The following TMTC4 variants were observed in gnomAD, a reference collection of about 807,000 sequenced individuals.
TMTC4 encodes the protein protein O-mannosyl-transferase TMTC4.
TMTC4 carries 65 observed loss-of-function variants against 86.0 expected under a neutral mutation model. The observed-to-expected ratio is 0.76, with a 90% CI of 0.62 to 0.93. TMTC4 has a LOEUF of 0.93. Ranked by LOEUF, TMTC4 falls within the 40% of genes least tolerant of loss-of-function variation. The pLI is 0.00. For synonymous variants in TMTC4, 379 were observed against 382.5 expected (o/e 0.99, Z 0.11); for missense variants, 866 against 948.1 (o/e 0.91, Z 1.14).
chr13:100,637,466 A>C (rs914681335), intron 9 of TMTC4, 72 bp downstream of exon 9: 1 of 1,536,056 alleles, frequency 6.5e-7, no homozygotes, highest in African/African-American at 1.4e-5. Flanking sequence ...TGAGACGAGG[A>C]GGAGGGGTGA....
chr13:100,611,502 G>A (rs981901746), intron 17 of TMTC4, among the ~76,000 whole-genome samples: 6 of 152,110 alleles, frequency 3.9e-5, no homozygotes, highest in Non-Finnish European at 7.4e-5. Context: ...GGAGAATGGC[G>A]TGAACCCGGG....
intron 6 of TMTC4, among the ~76,000 whole-genome samples, chr13:100,654,626 GA>G (rs1302328481): frequency 6.6e-6 from 1 of 151,890 alleles, no homozygotes. Flanking sequence ...AATTAAAACA[GA>G]AAAAAGAAGA....
At chr13:100,667,643 T>A (rs532128703) in intron 3 of TMTC4, among the ~76,000 whole-genome samples, 31 of 152,134 alleles carry the variant, frequency 2.0e-4, no homozygotes, top group Non-Finnish European at 4.4e-4. Context: ...ATCCATAACT[T>A]CACATTTTTA....
intron 7 of TMTC4, 147 bp downstream of exon 7, chr13:100,642,064 A>C: frequency 1.4e-6 from 1 of 697,832 alleles, no homozygotes; most frequent in East Asian, 2.6e-5. Context: ...AGCGAAAGCC[A>C]TTTGTCCAGA....
intron 12 of TMTC4, among the ~76,000 whole-genome samples, chr13:100,633,103 G>C (rs2138853922): frequency 6.6e-6 from 1 of 152,142 alleles, no homozygotes; most frequent in South Asian, 2.1e-4. Flanking sequence ...CACGAGGTCA[G>C]GAGTTCGAGA....
At chr13:100,674,918 C>A (rs1471515798), upstream of TMTC4, 1 of 984,912 alleles carries the variant, frequency 1.0e-6, no homozygotes, top group African/African-American at 1.8e-5. Context: ...GCACCAGTCT[C>A]GGCCCGCCCC....
At position 100,656,450 on chromosome 13, in the gene TMTC4, G is replaced by A. The variant is rs367814555; in HGVS notation, c.571C>T (p.Arg191Cys). 16 of 1,608,604 alleles carry A rather than the reference G, an allele frequency of 9.9e-6. No individual in the cohort carries two copies. The highest frequency in any genetic ancestry group is 1.3e-5 in the African/African-American group (1 of 74,630). The change falls in exon 6 of 19, where the codon CGT becomes TGT. Residue 191 changes from arginine (R) to cysteine (C), a missense_variant. Coordinates refer to ENST00000342624, the MANE Select transcript of TMTC4 (RefSeq NM_032813.5). ...HTECVAGVVG[R>C]ADLLCALFFL... Reference sequence around the variant, plus strand: ...AACAGGGCACACAGGAGGTCTGCACGGCCGACAACACCAGCAACCTTAAAA... The same window carrying A: ...AACAGGGCACACAGGAGGTCTGCACAGCCGACAACACCAGCAACCTTAAAA...
chr13:100,643,098 G>A (rs749759917), intron 6 of TMTC4, among the ~76,000 whole-genome samples: 7 of 152,132 alleles, frequency 4.6e-5, no homozygotes, highest in Non-Finnish European at 8.8e-5. Context: ...TCGGTGGTGC[G>A]TGCAATTTGG....
chr13:100,605,113 C>A lies in TMTC4; in HGVS notation c.2164G>T (p.Asp722Tyr), dbSNP rs762567963. Residue 722 changes from aspartate to tyrosine, a missense_variant, in exon 19 of 19, where the codon GAC becomes TAC. Physicochemically the swap from Asp to Tyr is radical, Grantham distance 160 (BLOSUM62 -3). Transcript: ENST00000342624. The surrounding 1 kb of genome is among the most constrained non-coding windows in gnomAD (Gnocchi z 4.3). ...AVLYHRWGHL[D>Y]LAKKHYEISL... ...ATTTCATAGTGTTTCTTGGCCAAGT[C>A]TAGATGTCCCCAACGATGATAAAGC... 6.2e-7 allele frequency: 1 copy of A among 1,612,854 alleles called. No homozygotes were observed.
intron 5 of TMTC4, among the ~76,000 whole-genome samples, chr13:100,659,104 C>A (rs1336424526): frequency 1.6e-4 from 25 of 152,106 alleles, no homozygotes; most frequent in Admixed American, 1.6e-3. Flanking sequence ...ACTGCAATCC[C>A]TCTGAATCCT....
chr13:100,638,139 C>T (rs1251456106), intron 7 of TMTC4, 117 bp from the exon 8 acceptor site: 5 of 703,268 alleles, frequency 7.1e-6, no homozygotes, highest in South Asian at 4.0e-5. Flanking sequence ...TAGAGAATCA[C>T]GGAAGACCTC....
intron 4 of TMTC4, 97 bp from the exon 5 acceptor site, chr13:100,663,277 AAGG>A: frequency 1.9e-6 from 2 of 1,077,060 alleles, no homozygotes; most frequent in South Asian, 1.4e-5. Flanking sequence ...GAAATATTAA[AAGG>A]AGAAGCGGAA....
chr13:100,671,593 G>C (rs1301079949), intron 1 of TMTC4, among the ~76,000 whole-genome samples: 1 of 152,166 alleles, frequency 6.6e-6, no homozygotes, highest in South Asian at 2.1e-4. Flanking sequence ...GGCTGACTCA[G>C]TGGATCTCAG....
chr13:100,634,835 A>G lies in TMTC4; in HGVS notation c.1476T>C (p.Ser492=), dbSNP rs1338720820. 2 of 1,614,078 alleles carry G rather than the reference A, an allele frequency of 1.2e-6. No individual in the cohort carries two copies. Among genetic ancestry groups the G allele is most frequent in the African/African-American group, 2.7e-5 (2 of 74,926 alleles). Residue 492 remains serine, a synonymous_variant, in exon 12 of 19, where the codon AGT becomes AGC. Coordinates refer to ENST00000342624, the MANE Select transcript of TMTC4 (RefSeq NM_032813.5). ...EWRSEEQLFR[S]ALSVCPLNAK... is the part of the protein sequence containing the mutation. ...CATTGAGGGGACACACAGACAGAGC[A>G]CTTCTGAAAAGCTGTTCCTCACTCC...
rs1195560031 is a variant in TMTC4 at position 100,643,303 on chromosome 13, C to T, written c.641-992G>A. Among the ~76,000 whole-genome samples, 6 of 152,342 alleles carry T rather than the reference C, an allele frequency of 3.9e-5. No homozygotes were observed. In the East Asian group the frequency reaches 1.2e-3, roughly 29 times the overall value. ...GCATTACTCGGTTCAATTCCACTTA[C>T]ACCTGGAACTCCCGGTCTGAATGCC... On this transcript the variant is annotated intron_variant, in intron 6 of 18. Coordinates refer to ENST00000342624, the MANE Select transcript of TMTC4 (RefSeq NM_032813.5).
At chr13:100,608,931 G>A (rs1474474106) in intron 17 of TMTC4, among the ~76,000 whole-genome samples, 4 of 152,312 alleles carry the variant, frequency 2.6e-5, no homozygotes, top group Middle Eastern at 3.4e-3. Context: ...AGGAACAAGC[G>A]CTAGTCTGTA....
chr13:100,619,035 C>T (rs1879025373), intron 15 of TMTC4, among the ~76,000 whole-genome samples: 1 of 152,156 alleles, frequency 6.6e-6, no homozygotes, highest in Non-Finnish European at 1.5e-5. Flanking sequence ...GCCGGCCGGG[C>T]AGAGGGGCTC....
intron 1 of TMTC4, chr13:100,674,251 G>C (rs1887528935): frequency 1.0e-6 from 1 of 979,632 alleles, no homozygotes; most frequent in Non-Finnish European, 1.2e-6. Flanking sequence ...GCGGCGCGGC[G>C]GGGGAGCCGC....
intron 1 of TMTC4, 47 bp downstream of exon 1, chr13:100,674,697 T>C: frequency 1.0e-6 from 1 of 982,634 alleles, no homozygotes; most frequent in African/African-American, 1.8e-5. Context: ...CCAACTCCGC[T>C]CGCCCCGCGG....
Sources: gnomAD v4.1 joint callset for allele counts (sites outside exome capture counted in the v4.1 genomes callset) on GRCh38, gnomAD v4.1.1 for gene constraint, Gnocchi (gnomAD v3.1) non-coding constraint, MANE v1.5 for transcripts, NCBI Gene and HGNC (gene_info 2026-07-23, HGNC 2026-07-21) for gene names.